TRPC6: variants seen among roughly 807,000 people sequenced by gnomAD.
TRPC6 encodes the protein transient receptor potential cation channel subfamily C member 6, also known as short transient receptor potential channel 6.
TRPC6 carries 55 observed loss-of-function variants against 90.7 expected under a neutral mutation model. The observed-to-expected ratio is 0.61, with a 90% confidence interval of 0.49 to 0.76. The LOEUF is 0.76. Among genes scored for constraint, TRPC6 ranks in the 30% least tolerant of loss-of-function variants. The pLI, the probability that TRPC6 is intolerant of heterozygous loss-of-function variation, is 0.00. For synonymous variants in TRPC6, 393 were observed against 393.0 expected, an observed-to-expected ratio of 1.00 and a Z score of 0.00; for missense variants, 989 against 1,122.7, an observed-to-expected ratio of 0.88 and a Z score of 1.70.
intron 1 of TRPC6, among the ~76,000 whole-genome samples, chr11:101,528,699 G>A (rs1452989070): frequency 6.6e-6 from 1 of 152,038 alleles, no homozygotes; most frequent in Non-Finnish European, 1.5e-5. Flanking sequence ...TTCTTAGCCT[G>A]TGCATATCTG....
chr11:101,552,004 G>A (rs1416036591), intron 1 of TRPC6, among the ~76,000 whole-genome samples: 2 of 152,042 alleles, frequency 1.3e-5, no homozygotes, highest in Non-Finnish European at 2.9e-5. Flanking sequence ...TCCTGTTATT[G>A]CTATGATTAA....
rs550932885 is a variant in TRPC6 at position 101,498,879 on chromosome 11, T to A, written c.945+5145A>T. ...GAGTCCCCCTTTAAACAACAGAGAG[T>A]CCCCCTTTTACAGTATCCAGCTACT... On this transcript the variant is annotated intron_variant, in intron 2 of 12. Coordinates refer to ENST00000344327, the MANE Select transcript of TRPC6 (RefSeq NM_004621.6). Among the ~76,000 whole-genome samples, 7 of 151,046 alleles carry A rather than the reference T, an allele frequency of 4.6e-5. No individual in the cohort carries two copies. The South Asian group carries it at 6.3e-4, about 14-fold the overall frequency.
chr11:101,522,608 A>G (rs527259925), intron 1 of TRPC6, among the ~76,000 whole-genome samples: 2 of 152,140 alleles, frequency 1.3e-5, no homozygotes, highest in Admixed American at 1.3e-4. Flanking sequence ...TATTTTTTTC[A>G]TCTTATCACT....
chr11:101,523,545 G>C (rs1860708183), intron 1 of TRPC6, among the ~76,000 whole-genome samples: 1 of 152,118 alleles, frequency 6.6e-6, no homozygotes. Context: ...ATAAAATATA[G>C]ATTACACTAA....
At chr11:101,469,690 A>C (rs1414444162) in intron 9 of TRPC6, among the ~76,000 whole-genome samples, 189 bp from the exon 10 acceptor site, 2 of 152,204 alleles carry the variant, frequency 1.3e-5, no homozygotes, top group African/African-American at 4.8e-5. Flanking sequence ...CTCAGGTTGC[A>C]GTTCTAACCA....
chr11:101,497,980 G>A (rs1452130737), intron 2 of TRPC6, among the ~76,000 whole-genome samples: 1 of 152,158 alleles, frequency 6.6e-6, no homozygotes, highest in Non-Finnish European at 1.5e-5. Flanking sequence ...CAAAAAAAGA[G>A]GGAATTAGAG....
At chr11:101,491,496 T>A (rs753567612) in intron 3 of TRPC6, 60 bp downstream of exon 3, 2 of 1,589,362 alleles carry the variant, frequency 1.3e-6, no homozygotes, top group Non-Finnish European at 1.7e-6. Flanking sequence ...CAACCCTTTA[T>A]CCTTATTTAG....
In TRPC6 at chr11:101,493,065, C is replaced by A. The variant is rs531403025; in HGVS notation, c.946-1327G>T. Among the ~76,000 whole-genome samples the A allele has an allele frequency of 3.3e-5, 5 of 152,200 alleles. No homozygotes were observed. The South Asian group carries it at 1.0e-3, about 32-fold the overall frequency. On this transcript the variant is annotated intron_variant, in intron 2 of 12. Coordinates refer to ENST00000344327, the MANE Select transcript of TRPC6 (RefSeq NM_004621.6). ...GCTTCTATAAGGCATCATTTTATAT[C>A]TTCATTCATGCTTTTTCTAATATTT...
intron 1 of TRPC6, among the ~76,000 whole-genome samples, chr11:101,505,441 A>C (rs529084681): frequency 6.6e-6 from 1 of 152,322 alleles, no homozygotes; most frequent in Admixed American, 6.5e-5. Context: ...CAAGCTGAAA[A>C]TGGAAGGATA....
At chr11:101,542,974 TACTC>T (rs1861211766) in intron 1 of TRPC6, among the ~76,000 whole-genome samples, 1 of 152,114 alleles carries the variant, frequency 6.6e-6, no homozygotes, top group African/African-American at 2.4e-5. Context: ...TGCTCTTTGA[TACTC>T]AAGAAAATGC....
At chr11:101,503,444 C>A (rs1167822503) in intron 2 of TRPC6, among the ~76,000 whole-genome samples, 2 of 152,196 alleles carry the variant, frequency 1.3e-5, no homozygotes, top group Admixed American at 1.3e-4. Context: ...TGCAGCCTAA[C>A]AGGAATTAAA....
In TRPC6 at chr11:101,504,343, T is replaced by A; in HGVS notation, c.626A>T (p.Tyr209Phe). 1 of 1,614,090 alleles carries A rather than the reference T, an allele frequency of 6.2e-7. No homozygotes were observed. The highest frequency in any genetic ancestry group is 8.5e-7 in the Non-Finnish European group (1 of 1,179,968). Reference sequence around the variant, plus strand: ...GGAGAACCGTGTCCCATCTTCATCATAGGCATAAAAATCATCTTGCTGGAG... The same window carrying A: ...GGAGAACCGTGTCCCATCTTCATCAAAGGCATAAAAATCATCTTGCTGGAG... ...SELQQDDFYA[Y>F]DEDGTRFSHD... is the part of the protein sequence containing the mutation. The change falls in exon 2 of 13, where the codon TAT becomes TTT. Residue 209 changes from tyrosine (Y) to phenylalanine (F), a missense_variant. Tyr to Phe is a conservative substitution (Grantham distance 22). Around this residue, in one of 4 missense-constraint regions of TRPC6, gnomAD observed 486 missense variants for 591.9 expected, o/e 0.82. Transcript: ENST00000344327.
chr11:101,475,891 T>C (rs1859404061), intron 6 of TRPC6, among the ~76,000 whole-genome samples: 1 of 151,464 alleles, frequency 6.6e-6, no homozygotes, highest in Non-Finnish European at 1.5e-5. Context: ...TATATACACG[T>C]GTGTGCATAT....
In TRPC6 at chr11:101,456,146, C is replaced by A. The variant is rs578261467; in HGVS notation, c.2485-1045G>T. On this transcript the variant is annotated intron_variant, in intron 10 of 12. Coordinates refer to ENST00000344327, the MANE Select transcript of TRPC6 (RefSeq NM_004621.6). Reference sequence around the variant, plus strand: ...AAATTACATAATTCATCAAATTAACCAAAGAGAGGCAGTTTAGGTTCCCAA... The same window carrying A: ...AAATTACATAATTCATCAAATTAACAAAAGAGAGGCAGTTTAGGTTCCCAA... Among the ~76,000 whole-genome samples, 230 of 152,012 alleles carry A rather than the reference C, an allele frequency of 1.5e-3. 1 individual carries two copies. Among genetic ancestry groups the A allele is most frequent in the African/African-American group, 5.4e-3 (224 of 41,458 alleles).
intron 1 of TRPC6, among the ~76,000 whole-genome samples, chr11:101,532,956 A>T (rs554765819): frequency 7.9e-5 from 12 of 152,306 alleles, no homozygotes; most frequent in Admixed American, 3.9e-4. Flanking sequence ...CTCCTGAGAA[A>T]AAAAGCATCG....
At chr11:101,510,252 G>A (rs1219591011) in intron 1 of TRPC6, among the ~76,000 whole-genome samples, 2 of 152,054 alleles carry the variant, frequency 1.3e-5, no homozygotes, top group African/African-American at 2.4e-5. Context: ...ATATTTGAAA[G>A]CAATTCAGGA....
At chr11:101,566,042 T>A (rs1251868350) in intron 1 of TRPC6, among the ~76,000 whole-genome samples, 1 of 152,144 alleles carries the variant, frequency 6.6e-6, no homozygotes, top group East Asian at 1.9e-4. Flanking sequence ...TAAATGGTTA[T>A]TAGATTCTTG....
intron 1 of TRPC6, among the ~76,000 whole-genome samples, chr11:101,510,299 C>T (rs1370279421): frequency 6.6e-6 from 1 of 152,132 alleles, no homozygotes. Context: ...TTACAAACCT[C>T]TCTGCAAATG....
intron 10 of TRPC6, among the ~76,000 whole-genome samples, chr11:101,467,129 C>T (rs1363412297): frequency 6.6e-6 from 1 of 152,198 alleles, no homozygotes. Flanking sequence ...CTGGGAGCTG[C>T]AGACCAGAGC....
Sources: allele counts gnomAD v4.1 joint callset (sites outside exome capture counted in the v4.1 genomes callset), GRCh38; gene constraint gnomAD v4.1.1; regional missense constraint gnomAD v4.1.1; transcripts MANE v1.5; gene names NCBI Gene and HGNC (gene_info 2026-07-23, HGNC 2026-07-21).